Variants in STK31 observed in about 807,000 individuals in gnomAD.
STK31 encodes serine/threonine-protein kinase 31.
Under a neutral mutation model 129.7 loss-of-function variants are expected in STK31, and 89 were observed. The ratio of observed to expected loss-of-function variants is 0.69; its 90% CI spans 0.58 to 0.82. The LOEUF is 0.82. STK31 is among the 40% of genes least tolerant of loss of function. The pLI, the probability that STK31 is intolerant of heterozygous loss-of-function variation, is 0.00. For synonymous variants in STK31, 448 were observed against 395.3 expected, an observed-to-expected ratio of 1.13 and a Z score of -1.58; for missense variants, 1,187 against 1,176.4, an observed-to-expected ratio of 1.01 and a Z score of -0.13.
intron 23 of STK31, among the ~76,000 whole-genome samples, chr7:23,815,885 C>G (rs1011683041): frequency 8.3e-6 from 1 of 120,250 alleles, no homozygotes; most frequent in Non-Finnish European, 1.9e-5. Context: ...TTCAGTATGA[C>G]TAGATATAAA....
At chr7:23,817,141 T>C (rs1022722443) in intron 23 of STK31, among the ~76,000 whole-genome samples, 3 of 152,142 alleles carry the variant, frequency 2.0e-5, no homozygotes, top group African/African-American at 7.2e-5. Flanking sequence ...TGAGCCGAGA[T>C]TGTGCCATTG....
intron 8 of STK31, among the ~76,000 whole-genome samples, chr7:23,748,189 T>G (rs913906587): frequency 3.3e-5 from 5 of 152,220 alleles, no homozygotes; most frequent in African/African-American, 9.6e-5. Context: ...GTCATGAGAT[T>G]TCTTCTTTGA....
At chr7:23,781,195 T>G (rs1053941632) in intron 15 of STK31, among the ~76,000 whole-genome samples, 1 of 152,236 alleles carries the variant, frequency 6.6e-6, no homozygotes, top group African/African-American at 2.4e-5. Context: ...TAATTGATTT[T>G]ATGTCTTTAC....
At chr7:23,760,378 C>A (rs539183412) in intron 10 of STK31, among the ~76,000 whole-genome samples, 1 of 152,120 alleles carries the variant, frequency 6.6e-6, no homozygotes, top group Non-Finnish European at 1.5e-5. Context: ...GATAACTAGG[C>A]TTTTGAAAAT....
At chr7:23,818,169 A>C (rs567602485) in intron 23 of STK31, among the ~76,000 whole-genome samples, 1 of 152,214 alleles carries the variant, frequency 6.6e-6, no homozygotes, top group South Asian at 2.1e-4. Context: ...TTGGGTTAAT[A>C]TATCTCTTAA....
chr7:23,769,293 T>C, intron 12 of STK31, 119 bp downstream of exon 12: 1 of 949,032 alleles, frequency 1.1e-6, no homozygotes, highest in Non-Finnish European at 1.4e-6. Context: ...AGATTTAAAA[T>C]TGCCACCTTA....
rs531392244 is a variant in STK31 at position 23,762,130 on chromosome 7, C to T, written c.1294-671C>T. Among the ~76,000 whole-genome samples, 4 of 151,670 alleles carry T rather than the reference C, an allele frequency of 2.6e-5. No individual in the cohort carries two copies. In the East Asian group the frequency reaches 7.7e-4, roughly 29 times the overall value. On this transcript the variant is annotated intron_variant, in intron 10 of 23. Coordinates refer to ENST00000355870, the MANE Select transcript of STK31 (RefSeq NM_031414.5). ...ATTTTACTTTTAGGGTACATGTGCACAATGTGCAGGTTAGTTACATATGTA... is the reference window on the plus strand; with the variant it reads ...ATTTTACTTTTAGGGTACATGTGCATAATGTGCAGGTTAGTTACATATGTA...
chr7:23,710,464 C>T, intron 1 of STK31, 129 bp downstream of exon 1: 2 of 1,554,298 alleles, frequency 1.3e-6, no homozygotes, highest in Non-Finnish European at 1.7e-6. Context: ...CTTCTAGCCG[C>T]CCGCCACCCC....
intron 13 of STK31, among the ~76,000 whole-genome samples, 195 bp downstream of exon 13, chr7:23,769,951 T>C (rs1790082769): frequency 6.6e-6 from 1 of 152,222 alleles, no homozygotes; most frequent in African/African-American, 2.4e-5. Context: ...CAAAGTCTTA[T>C]TCTTAGGTGA....
intron 22 of STK31, among the ~76,000 whole-genome samples, chr7:23,792,549 C>T (rs150848924): frequency 5.9e-5 from 9 of 152,090 alleles, no homozygotes; most frequent in East Asian, 3.9e-4. Context: ...CTTATAGATT[C>T]GATGCAATTT....
intron 23 of STK31, among the ~76,000 whole-genome samples, chr7:23,821,471 A>G (rs1429383045): frequency 6.6e-6 from 1 of 152,052 alleles, no homozygotes; most frequent in African/African-American, 2.4e-5. Context: ...TTCTTTTGAG[A>G]AATGTCTATT....
chr7:23,827,225 G>T (rs1040483062), intron 23 of STK31, among the ~76,000 whole-genome samples: 1 of 152,164 alleles, frequency 6.6e-6, no homozygotes, highest in African/African-American at 2.4e-5. Context: ...TCGTCACTTT[G>T]AGGTACACCA....
chr7:23,731,127 C>T (rs897145597), intron 6 of STK31, among the ~76,000 whole-genome samples: 1 of 151,494 alleles, frequency 6.6e-6, no homozygotes, highest in Non-Finnish European at 1.5e-5. Context: ...CAAGAGATCC[C>T]CCTGTCTCTG....
chr7:23,810,812 G>A (rs1408769689), intron 22 of STK31, among the ~76,000 whole-genome samples: 3 of 130,864 alleles, frequency 2.3e-5, no homozygotes, highest in East Asian at 2.1e-4. Context: ...ATATATATTT[G>A]TATATAAATA....
chr7:23,750,066 T>TCCCCCCCCC (rs1788609697), intron 8 of STK31, among the ~76,000 whole-genome samples: 4 of 77,668 alleles, frequency 5.2e-5, no homozygotes, highest in African/African-American at 8.9e-5. Flanking sequence ...AATGGTTTGT[T>TCCCCCCCCC]TCCCCCCCCG....
chr7:23,748,418 T>C (rs1239898333), intron 8 of STK31, among the ~76,000 whole-genome samples: 2 of 152,250 alleles, frequency 1.3e-5, no homozygotes, highest in African/African-American at 4.8e-5. Flanking sequence ...ATGTATATTC[T>C]GCTGTTATTG....
At position 23,729,235 on chromosome 7, in the gene STK31, A is replaced by G. The variant is rs1787254078; in HGVS notation, c.469A>G (p.Thr157Ala). ...GLHIPSDQEV[T>A]QFDQGTTFLG... ...ACACATTCCTTCTGATCAAGAAGTT[A>G]CCCAGTTTGATCAGGCAAGTCACGT... The change falls in exon 6 of 24, where the codon ACC becomes GCC. Residue 157 changes from threonine to alanine, a missense_variant. This residue lies in a region of STK31 where 103 missense variants were observed against 110.4 expected (regional missense o/e 0.93). Transcript: ENST00000355870. 1 of 1,599,856 alleles carries G rather than the reference A, an allele frequency of 6.3e-7. No homozygotes were observed. Among genetic ancestry groups the G allele is most frequent in the African/African-American group, 1.3e-5 (1 of 74,266 alleles).
intron 13 of STK31, 144 bp downstream of exon 13, chr7:23,769,900 T>C (rs908621045): frequency 5.8e-6 from 3 of 513,716 alleles, no homozygotes; most frequent in Admixed American, 3.0e-5. Flanking sequence ...AATAGGCTTG[T>C]TGAAAGAGTA....
chr7:23,741,262 C>A (rs192191695), intron 8 of STK31, among the ~76,000 whole-genome samples: 24 of 152,190 alleles, frequency 1.6e-4, no homozygotes, highest in Admixed American at 7.2e-4. Flanking sequence ...AGCTATAGTT[C>A]TTTTTAGTGG....
Sources: gnomAD v4.1 joint callset for allele counts (sites outside exome capture counted in the v4.1 genomes callset) on GRCh38, gnomAD v4.1.1 for gene constraint, gnomAD v4.1.1 regional missense constraint, MANE v1.5 for transcripts, NCBI Gene and HGNC (gene_info 2026-07-23, HGNC 2026-07-21) for gene names.